PCDHGA6: variants seen among roughly 807,000 people sequenced by gnomAD.
PCDHGA6 encodes the protein protocadherin gamma subfamily A, 6.
PCDHGA6 carries 41 observed loss-of-function variants against 60.6 expected under a neutral mutation model. That is an observed-to-expected ratio of 0.68 (90% CI 0.53 to 0.88). The LOEUF (loss-of-function observed/expected upper bound fraction) is 0.88, where lower values mean the gene tolerates loss of function less well. Ranked by LOEUF, PCDHGA6 falls within the 40% of genes least tolerant of loss-of-function variation. The pLI is 0.00. For synonymous variants in PCDHGA6, 594 were observed against 524.4 expected, an observed-to-expected ratio of 1.13 and a Z score of -1.81; for missense variants, 1,312 against 1,203.0, an observed-to-expected ratio of 1.09 and a Z score of -1.34.
In PCDHGA6 at chr5:141,486,518, A is replaced by G; in HGVS notation, c.2425-8289A>G. The G allele has an allele frequency of 6.2e-7, 1 of 1,614,132 alleles. No homozygotes were observed. Among genetic ancestry groups the G allele is most frequent in the Non-Finnish European group, 8.5e-7 (1 of 1,179,996 alleles). On this transcript the variant is annotated intron_variant, in intron 1 of 3. Coordinates refer to ENST00000517434, the MANE Select transcript of PCDHGA6 (RefSeq NM_018919.3). The surrounding 1 kb of genome is among the most constrained non-coding windows in gnomAD (Gnocchi z 5.0). ...TATTTTCCTCAATATTTCAGATGTG[A>G]ATGATAATCCACCCTCTTTCTTTCA...
At chr5:141,482,356 G>T (rs1330274684) in intron 1 of PCDHGA6, among the ~76,000 whole-genome samples, 1 of 152,236 alleles carries the variant, frequency 6.6e-6, no homozygotes, top group East Asian at 1.9e-4. Flanking sequence ...TGTTGTGAGA[G>T]TGAAAAGTAA....
chr5:141,468,433 A>G (rs2099167290), intron 1 of PCDHGA6: 1 of 152,202 alleles, frequency 6.6e-6, no homozygotes, highest in Non-Finnish European at 1.5e-5. Context: ...GGTAATAGCA[A>G]AATGTGGGTG....
At chr5:141,443,109 C>A (rs373919534) in intron 1 of PCDHGA6, among the ~76,000 whole-genome samples, 2 of 152,100 alleles carry the variant, frequency 1.3e-5, no homozygotes, top group South Asian at 2.1e-4. Flanking sequence ...CTGAACCTTG[C>A]TTTTCAAACC....
At chr5:141,488,070 C>A (rs777154469) in intron 1 of PCDHGA6, among the ~76,000 whole-genome samples, 3 of 152,076 alleles carry the variant, frequency 2.0e-5, no homozygotes, top group Non-Finnish European at 1.5e-5. Context: ...TCTTTGTCTC[C>A]CAGTATCTAG....
At chr5:141,394,277 T>C (rs1209758237) in intron 1 of PCDHGA6, 1 of 1,613,946 alleles carries the variant, frequency 6.2e-7, no homozygotes, top group South Asian at 1.1e-5. Flanking sequence ...CCCAGGTCAC[T>C]TACTCTGTGA....
At chr5:141,421,034 C>G (rs2096540283) in intron 1 of PCDHGA6, 2 of 538,266 alleles carry the variant, frequency 3.7e-6, no homozygotes, top group Non-Finnish European at 6.4e-6. Context: ...CATTGAGTCC[C>G]TCCCTCCCCC....
chr5:141,384,704 C>T (rs1191674511), intron 1 of PCDHGA6: 2 of 1,614,004 alleles, frequency 1.2e-6, no homozygotes, highest in African/African-American at 2.7e-5. Flanking sequence ...GGCCAGAACG[C>T]CTGGCTGTCA....
chr5:141,498,865 G>A (rs2099786522), intron 2 of PCDHGA6, among the ~76,000 whole-genome samples: 1 of 151,116 alleles, frequency 6.6e-6, no homozygotes, highest in Non-Finnish European at 1.5e-5. Flanking sequence ...CCCAGGAGGC[G>A]GAGGTTGCAG....
chr5:141,408,239 C>A, intron 1 of PCDHGA6: 2 of 1,577,720 alleles, frequency 1.3e-6, no homozygotes, highest in South Asian at 2.3e-5. Flanking sequence ...CCGGGCCGGC[C>A]CGCGGCAGGT....
chr5:141,421,353 G>C, intron 1 of PCDHGA6: 1 of 1,613,998 alleles, frequency 6.2e-7, no homozygotes, highest in Non-Finnish European at 8.5e-7. Flanking sequence ...AGACCGAAAA[G>C]GGCTCCTTCG....
intron 1 of PCDHGA6, among the ~76,000 whole-genome samples, chr5:141,449,205 A>G (rs991001366): frequency 6.6e-6 from 1 of 152,164 alleles, no homozygotes; most frequent in Admixed American, 6.5e-5. Context: ...GTTAATTCTA[A>G]CTTTCTGTTT....
chr5:141,456,389 TTTGA>T (rs1181323617), intron 1 of PCDHGA6, among the ~76,000 whole-genome samples: 2 of 152,074 alleles, frequency 1.3e-5, no homozygotes, highest in Non-Finnish European at 2.9e-5. Flanking sequence ...CCGTTTGGAG[TTTGA>T]TTGCTTCTAG....
intron 1 of PCDHGA6, chr5:141,399,475 C>G: frequency 1.2e-6 from 2 of 1,614,022 alleles, no homozygotes; most frequent in Non-Finnish European, 1.7e-6. Context: ...GGTTTTCCAC[C>G]AGGCGTCCTA....
chr5:141,412,301 T>C (rs925243467), intron 1 of PCDHGA6: 3 of 152,260 alleles, frequency 2.0e-5, no homozygotes, highest in Non-Finnish European at 2.9e-5. Context: ...TCTTTTCTCA[T>C]TACAATGCAA....
rs770235234 is a variant in PCDHGA6 at position 141,422,145 on chromosome 5, G to T, written c.2424+45638G>T. On this transcript the variant is annotated intron_variant, in intron 1 of 3. Coordinates refer to ENST00000517434, the MANE Select transcript of PCDHGA6 (RefSeq NM_018919.3). Reference sequence around the variant, plus strand: ...AAACTGGAGAAGTTCAAGTACGGGGGTCTCTGGATTTTGAAAAATATAGAT... The same window carrying T: ...AAACTGGAGAAGTTCAAGTACGGGGTTCTCTGGATTTTGAAAAATATAGAT... The T allele has an allele frequency of 8.2e-6, 13 of 1,580,608 alleles. No individual in the cohort carries two copies. The African/African-American group carries it at 1.5e-4, about 18-fold the overall frequency.
chr5:141,419,243 C>T (rs959206942), intron 1 of PCDHGA6: 2 of 1,613,998 alleles, frequency 1.2e-6, no homozygotes, highest in East Asian at 4.5e-5. Flanking sequence ...GGTCCACGTG[C>T]CAGAAAACAA....
chr5:141,425,585 A>T (rs1270579511), intron 1 of PCDHGA6, among the ~76,000 whole-genome samples: 1 of 152,252 alleles, frequency 6.6e-6, no homozygotes, highest in Non-Finnish European at 1.5e-5. Context: ...GGCTAACTTT[A>T]TTCTGAATAT....
intron 1 of PCDHGA6, chr5:141,390,401 A>G (rs1471626291): frequency 2.3e-6 from 3 of 1,328,496 alleles, no homozygotes; most frequent in Admixed American, 2.3e-5. Flanking sequence ...TCATTTTAGG[A>G]AAGTTGTAGT....
At chr5:141,404,623 C>T in intron 1 of PCDHGA6, 3 of 1,614,154 alleles carry the variant, frequency 1.9e-6, no homozygotes, top group Non-Finnish European at 2.5e-6. Context: ...ACCAGAATGA[C>T]AATGCCCCAG....
Sources: gnomAD v4.1 joint callset for allele counts (sites outside exome capture counted in the v4.1 genomes callset) on GRCh38, gnomAD v4.1.1 for gene constraint, Gnocchi (gnomAD v3.1) non-coding constraint, MANE v1.5 for transcripts, NCBI Gene and HGNC (gene_info 2026-07-23, HGNC 2026-07-21) for gene names.